Variants in TENM2 observed in about 807,000 individuals in gnomAD.
TENM2 encodes teneurin transmembrane protein 2.
Under a neutral mutation model 245.2 loss-of-function variants are expected in TENM2, and 52 were observed. That is an observed-to-expected ratio of 0.21 (90% CI 0.17 to 0.27). The LOEUF is 0.27. Ranked by LOEUF, TENM2 falls within the 10% of genes least tolerant of loss-of-function variation. The probability of loss-of-function intolerance (pLI) is 1.00; values close to 1 mark genes in which losing one functional copy is unlikely to be tolerated. For synonymous variants in TENM2, 1,363 were observed against 1,438.9 expected (o/e 0.95, Z 1.19); for missense variants, 3,046 against 3,666.8 (o/e 0.83, Z 4.37).
chr5:167,148,898 A>G, the TENM2 span, among the ~76,000 whole-genome samples: 1 of 152,236 alleles, frequency 6.6e-6, no homozygotes, highest in Non-Finnish European at 1.5e-5. Flanking sequence ...AAAATTTATT[A>G]CCAGGAGCTC....
intron 2 of TENM2, among the ~76,000 whole-genome samples, chr5:167,789,132 A>G (rs1764775716): frequency 6.6e-6 from 1 of 152,228 alleles, no homozygotes; most frequent in Non-Finnish European, 1.5e-5. Flanking sequence ...GAACAAAGGT[A>G]TCAATAAAAA....
chr5:167,437,585 C>T (rs970209233), intron 2 of TENM2, among the ~76,000 whole-genome samples: 30 of 152,106 alleles, frequency 2.0e-4, no homozygotes, highest in African/African-American at 7.0e-4. Flanking sequence ...TGGGAGTGGC[C>T]AGGGGCTGAA....
chr5:167,577,757 C>G (rs1774805840), intron 2 of TENM2, among the ~76,000 whole-genome samples: 1 of 151,986 alleles, frequency 6.6e-6, no homozygotes, highest in Non-Finnish European at 1.5e-5. Flanking sequence ...ATTCAAAGTA[C>G]GATGAGCTAA....
chr5:167,739,590 G>T (rs1761033993), intron 2 of TENM2, among the ~76,000 whole-genome samples: 1 of 152,170 alleles, frequency 6.6e-6, no homozygotes, highest in Non-Finnish European at 1.5e-5. Context: ...AGTCTGTGCT[G>T]CCTTGTATCT....
At chr5:167,711,304 A>T (rs1758890743) in intron 2 of TENM2, among the ~76,000 whole-genome samples, 1 of 152,208 alleles carries the variant, frequency 6.6e-6, no homozygotes, top group South Asian at 2.1e-4. Flanking sequence ...CACCAAGGAT[A>T]ATTCTCATAT....
intron 5 of TENM2, among the ~76,000 whole-genome samples, chr5:167,999,229 G>T (rs1784263532): frequency 6.6e-6 from 1 of 152,064 alleles, no homozygotes; most frequent in Non-Finnish European, 1.5e-5. Flanking sequence ...CATCTAAAGG[G>T]CAAAATGCTA....
chr5:167,768,944 C>T (rs1238311631), intron 2 of TENM2, among the ~76,000 whole-genome samples: 2 of 152,116 alleles, frequency 1.3e-5, no homozygotes, highest in South Asian at 4.1e-4. Flanking sequence ...TCACTTTCTT[C>T]CCCACATCTC....
the TENM2 span, among the ~76,000 whole-genome samples, chr5:167,063,272 T>C: frequency 3.9e-5 from 6 of 152,166 alleles, no homozygotes; most frequent in African/African-American, 9.7e-5. Context: ...TGTAAATATT[T>C]TCTTTTTAAA....
At chr5:167,175,824 C>T in the TENM2 span, among the ~76,000 whole-genome samples, 5 of 152,334 alleles carry the variant, frequency 3.3e-5, no homozygotes, top group Admixed American at 3.3e-4. Flanking sequence ...ATTCCCCTGC[C>T]TCAGCCCCCC....
intron 12 of TENM2, among the ~76,000 whole-genome samples, chr5:168,146,260 T>G (rs138450359): frequency 2.4e-4 from 36 of 152,184 alleles, no homozygotes; most frequent in African/African-American, 7.7e-4. Context: ...TAAACAGCTA[T>G]GTAGCATATC....
chr5:168,056,104 C>G (rs912033997), intron 6 of TENM2, among the ~76,000 whole-genome samples: 6 of 152,138 alleles, frequency 3.9e-5, no homozygotes, highest in African/African-American at 1.4e-4. Context: ...TCAGGGAAGC[C>G]CAGCTTCAAG....
At chr5:167,052,512 G>T in the TENM2 span, among the ~76,000 whole-genome samples, 1 of 152,116 alleles carries the variant, frequency 6.6e-6, no homozygotes, top group African/African-American at 2.4e-5. Flanking sequence ...CTTTGAAAGA[G>T]CATTGTAGTA....
the TENM2 span, among the ~76,000 whole-genome samples, chr5:167,197,912 G>T: frequency 6.6e-5 from 10 of 151,432 alleles, no homozygotes; most frequent in African/African-American, 1.2e-4. Flanking sequence ...TACACATATA[G>T]AGAGAGAGAG....
At chr5:167,579,583 T>C (rs1055652286) in intron 2 of TENM2, among the ~76,000 whole-genome samples, 1 of 152,242 alleles carries the variant, frequency 6.6e-6, no homozygotes, top group African/African-American at 2.4e-5. Flanking sequence ...CTCACAGATC[T>C]GTGGTCACTG....
At chr5:168,217,401 G>A (rs1011004858) in intron 22 of TENM2, among the ~76,000 whole-genome samples, 1 of 152,194 alleles carries the variant, frequency 6.6e-6, no homozygotes, top group African/African-American at 2.4e-5. Flanking sequence ...TGGGCTGTTA[G>A]AGAGGCAGAG....
intron 2 of TENM2, among the ~76,000 whole-genome samples, chr5:167,743,956 T>G (rs1467222462): frequency 6.6e-6 from 1 of 152,198 alleles, no homozygotes; most frequent in African/African-American, 2.4e-5. Context: ...ATAATCATTA[T>G]GCTGGAGTCT....
the TENM2 span, among the ~76,000 whole-genome samples, chr5:167,081,976 G>A: frequency 3.4e-3 from 514 of 152,216 alleles, 3 homozygotes; most frequent in African/African-American, 0.012. Flanking sequence ...CTGGGAACAA[G>A]GTCTGTTTGA....
chr5:167,599,131 G>A (rs1346373432), intron 2 of TENM2, among the ~76,000 whole-genome samples: 1 of 152,162 alleles, frequency 6.6e-6, no homozygotes, highest in Non-Finnish European at 1.5e-5. Flanking sequence ...GTGCTTTCTT[G>A]TATCTTTGTG....
chr5:166,986,362 G>T, the TENM2 span, among the ~76,000 whole-genome samples: 1 of 152,020 alleles, frequency 6.6e-6, no homozygotes, highest in Non-Finnish European at 1.5e-5. Context: ...TCAGTTTAAT[G>T]GGATCAATCT....
Sources: allele counts gnomAD v4.1 joint callset (sites outside exome capture counted in the v4.1 genomes callset), GRCh38; gene constraint gnomAD v4.1.1; transcripts MANE v1.5; gene names NCBI Gene and HGNC (gene_info 2026-07-23, HGNC 2026-07-21).